Variants in SEC14L3 observed in about 807,000 individuals in gnomAD.
The protein encoded by SEC14L3 is SEC14-like protein 3.
Under a neutral mutation model 57.4 loss-of-function variants are expected in SEC14L3, and 56 were observed. The observed-to-expected ratio is 0.97, with a 90% CI of 0.79 to 1.22. The LOEUF (loss-of-function observed/expected upper bound fraction) is 1.22, where lower values mean the gene tolerates loss of function less well. Among genes scored for constraint, SEC14L3 ranks in the 50% most tolerant of loss-of-function variants. The pLI is 0.00. For synonymous variants in SEC14L3, 173 were observed against 194.4 expected (o/e 0.89, Z 0.92); for missense variants, 485 against 511.7 (o/e 0.95, Z 0.50).
At chr22:30,468,944 C>T (rs1935516213) in intron 4 of SEC14L3, 5 of 1,446,668 alleles carry the variant, frequency 3.5e-6, no homozygotes, top group Admixed American at 5.2e-5. Flanking sequence ...CCCCTGATGT[C>T]TCCCGTGTCC....
At chr22:30,458,935 G>T (rs933867569), downstream of SEC14L3, among the ~76,000 whole-genome samples, 1 of 152,146 alleles carries the variant, frequency 6.6e-6, no homozygotes, top group Non-Finnish European at 1.5e-5. Context: ...AGCCCAAGAG[G>T]TCAAGACTGC....
chr22:30,454,376 G>A (rs1422683179), downstream of SEC14L3, among the ~76,000 whole-genome samples: 1 of 151,618 alleles, frequency 6.6e-6, no homozygotes. Flanking sequence ...CTCTTCTGAG[G>A]AGGAAATTGA....
At chr22:30,467,323 T>C (rs1935452906) in intron 5 of SEC14L3, among the ~76,000 whole-genome samples, 1 of 145,122 alleles carries the variant, frequency 6.9e-6, no homozygotes, top group Non-Finnish European at 1.5e-5. Context: ...ATATATCAAC[T>C]TACTCATCAA....
At position 30,470,047 on chromosome 22, in the gene SEC14L3, T is replaced by A; in HGVS notation, c.206A>T (p.Asp69Val). 6.3e-7 allele frequency: 1 copy of A among 1,589,432 alleles called. No individual in the cohort carries two copies. Among genetic ancestry groups the A allele is most frequent in the South Asian group, 1.1e-5 (1 of 87,018 alleles). The change falls in exon 4 of 12, where the codon GAC (aspartate) becomes GTC (valine). Residue 69 changes from aspartate to valine, a missense_variant. Coordinates refer to ENST00000215812, the MANE Select transcript of SEC14L3 (RefSeq NM_174975.5). ...TGGGGGCTGCCAATCAAGGATATGG[T>A]CAATATCCATGGTCTTCCGGAACTC... is the stretch of plus-strand genomic sequence containing the variant. ...YMEFRKTMDI[D>V]HILDWQPPEV...
downstream of SEC14L3, among the ~76,000 whole-genome samples, chr22:30,457,327 C>A (rs571456258): frequency 7.3e-5 from 11 of 151,372 alleles, no homozygotes; most frequent in African/African-American, 2.7e-4. Context: ...ATATAAGATG[C>A]ATAGGTCAAT....
chr22:30,461,709 T>A lies in SEC14L3; in HGVS notation c.772-15A>T, dbSNP rs768021580. The stretch of plus-strand genomic sequence containing the variant: ...CCATAGTTAATCTGCGGACATGGGA[T>A]GAGATGGGCTTGCTTCCGTCTCCTG... On this transcript the variant is annotated splice_polypyrimidine_tract_variant and intron_variant, in intron 9 of 11. Coordinates refer to ENST00000215812, the MANE Select transcript of SEC14L3 (RefSeq NM_174975.5). 2.5e-6 allele frequency: 4 copies of A among 1,608,280 alleles called. No homozygotes were observed. In the African/African-American group the frequency reaches 4.0e-5, roughly 16 times the overall value.
chr22:30,465,572 A>G (rs1935392571), intron 7 of SEC14L3, among the ~76,000 whole-genome samples: 1 of 152,224 alleles, frequency 6.6e-6, no homozygotes, highest in Admixed American at 6.5e-5. Context: ...TAATCATCTA[A>G]GATTCAGCCA....
intron 12 of SEC14L3, among the ~76,000 whole-genome samples, chr22:30,452,546 C>A (rs1935008304): frequency 6.6e-6 from 1 of 151,984 alleles, no homozygotes; most frequent in Non-Finnish European, 1.5e-5. Flanking sequence ...CAGACCTCCC[C>A]TTCCCTTCTT....
At chr22:30,468,871 C>T in intron 4 of SEC14L3, 175 bp from the exon 5 acceptor site, 1 of 1,543,248 alleles carries the variant, frequency 6.5e-7, no homozygotes, top group South Asian at 1.2e-5. Flanking sequence ...AGGGGAGGGC[C>T]TTGCTCACAG....
At chr22:30,470,786 T>G (rs1209680530) in intron 1 of SEC14L3, 7 of 782,718 alleles carry the variant, frequency 8.9e-6, no homozygotes, top group African/African-American at 1.9e-5. Context: ...GATGAATAAA[T>G]GGTTAGAAAG....
At chr22:30,448,018 T>C (rs1934911415) in exon 13 of SEC14L3, 1 of 151,804 alleles carries the variant, frequency 6.6e-6, no homozygotes, top group Non-Finnish European at 1.5e-5. Context: ...CTTGGTAAGT[T>C]CTGGGCATAG....
chr22:30,471,851 C>A, intron 1 of SEC14L3, 54 bp downstream of exon 1: 3 of 1,609,558 alleles, frequency 1.9e-6, no homozygotes, highest in Non-Finnish European at 2.5e-6. Flanking sequence ...CTTCTTTCCA[C>A]CCCCCAGCCC....
chr22:30,471,593 G>A (rs991282704), intron 1 of SEC14L3, among the ~76,000 whole-genome samples: 1 of 152,182 alleles, frequency 6.6e-6, no homozygotes, highest in Non-Finnish European at 1.5e-5. Flanking sequence ...GCCTGGGAGG[G>A]AGGAACGGGG....
chr22:30,458,204 G>C (rs776747584), downstream of SEC14L3, among the ~76,000 whole-genome samples: 3 of 152,132 alleles, frequency 2.0e-5, no homozygotes. Context: ...GCCTCTTCAC[G>C]TCCCCGAATC....
chr22:30,451,531 T>A (rs527991886), intron 12 of SEC14L3, among the ~76,000 whole-genome samples: 9 of 152,238 alleles, frequency 5.9e-5, no homozygotes, highest in African/African-American at 2.2e-4. Context: ...ACTTACAGAA[T>A]AGCAGATAAG....
intron 1 of SEC14L3, chr22:30,471,148 G>C (rs1601828920): frequency 2.8e-6 from 1 of 355,626 alleles, no homozygotes; most frequent in Non-Finnish European, 5.4e-6. Context: ...AGCCAGGTGT[G>C]GTGGCACATG....
chr22:30,465,791 C>T (rs543806507), intron 7 of SEC14L3, among the ~76,000 whole-genome samples: 4 of 152,324 alleles, frequency 2.6e-5, no homozygotes, highest in Non-Finnish European at 4.4e-5. Context: ...AGCTGAACAA[C>T]CAATCAAGCA....
At position 30,461,461 on chromosome 22, in the gene SEC14L3, A is replaced by G. The variant is rs5749104; in HGVS notation, c.930T>C (p.Asp310=). The G allele has an allele frequency of 0.62, 999,429 of 1,613,318 alleles. 317,246 individuals carry two copies. The highest frequency in any genetic ancestry group is 0.88 in the East Asian group (39,480 of 44,872). Residue 310 remains aspartate (D), a synonymous_variant, in exon 11 of 12, where the codon GAT becomes GAC. Transcript: ENST00000215812. Reference sequence around the variant, plus strand: ...AAACTCCGAAGCCGATGTCCGCACCATCAGATGAGAACTGCCACCTGTCAG... The same window carrying G: ...AAACTCCGAAGCCGATGTCCGCACCGTCAGATGAGAACTGCCACCTGTCAG... ...GCVLRWQFSS[D]GADIGFGVFL... is the part of the protein sequence containing the mutation.
chr22:30,454,412 G>A (rs1017488199), downstream of SEC14L3, among the ~76,000 whole-genome samples: 1 of 150,682 alleles, frequency 6.6e-6, no homozygotes, highest in Non-Finnish European at 1.5e-5. Flanking sequence ...TATTTTGGAG[G>A]AAGACCTGGA....
Sources: gnomAD v4.1 joint callset for allele counts (sites outside exome capture counted in the v4.1 genomes callset) on GRCh38, gnomAD v4.1.1 for gene constraint, MANE v1.5 for transcripts, NCBI Gene and HGNC (gene_info 2026-07-23, HGNC 2026-07-21) for gene names.